CTNNA3: variants seen among roughly 807,000 people sequenced by gnomAD.
CTNNA3 encodes catenin alpha-3.
CTNNA3 carries 76 observed loss-of-function variants against 95.7 expected under a neutral mutation model. That is an observed-to-expected ratio of 0.79 (90% CI 0.66 to 0.96). The LOEUF is 0.96. Ranked by LOEUF, CTNNA3 falls within the 40% of genes least tolerant of loss-of-function variation. CTNNA3 has a pLI of 0.00. For synonymous variants in CTNNA3, 431 were observed against 374.4 expected (o/e 1.15, Z -1.74); for missense variants, 1,191 against 1,089.8 (o/e 1.09, Z -1.31).
intron 10 of CTNNA3, among the ~76,000 whole-genome samples, chr10:66,524,855 G>C (rs984400918): frequency 6.6e-6 from 1 of 152,090 alleles, no homozygotes; most frequent in Non-Finnish European, 1.5e-5. Flanking sequence ...TGCGAGACCA[G>C]ACTGACCAAT....
At chr10:66,742,961 T>C (rs1849377106) in intron 9 of CTNNA3, among the ~76,000 whole-genome samples, 1 of 152,220 alleles carries the variant, frequency 6.6e-6, no homozygotes, top group African/African-American at 2.4e-5. Flanking sequence ...CTACCGTTTA[T>C]ACATGATTTT....
intron 5 of CTNNA3, among the ~76,000 whole-genome samples, chr10:67,347,194 C>T (rs1041044085): frequency 6.6e-6 from 1 of 151,886 alleles, no homozygotes; most frequent in Non-Finnish European, 1.5e-5. Context: ...GGACTATGGG[C>T]ATGAGCCACC....
At chr10:66,649,633 C>A (rs1225287964) in intron 9 of CTNNA3, among the ~76,000 whole-genome samples, 1 of 152,188 alleles carries the variant, frequency 6.6e-6, no homozygotes, top group East Asian at 1.9e-4. Context: ...GACTAAGCTT[C>A]CAGGCCCACC....
chr10:66,355,231 CTGTG>C (rs1182579886), intron 12 of CTNNA3, among the ~76,000 whole-genome samples: 7 of 152,116 alleles, frequency 4.6e-5, no homozygotes, highest in Non-Finnish European at 1.0e-4. Context: ...TCTGTGGCCT[CTGTG>C]TTTATGCCAA....
In CTNNA3 at chr10:66,520,789, T is replaced by C. The variant is rs1476904801; in HGVS notation, c.1375-16A>G. 9 of 1,606,674 alleles carry C rather than the reference T, an allele frequency of 5.6e-6. No homozygotes were observed. The highest frequency in any genetic ancestry group is 5.4e-5 in the African/African-American group (4 of 74,576). On this transcript the variant is annotated splice_polypyrimidine_tract_variant and intron_variant, in intron 10 of 17. Coordinates refer to ENST00000433211, the MANE Select transcript of CTNNA3 (RefSeq NM_013266.4). Reference sequence around the variant, plus strand: ...CATTAATAATCTATAAAGATAAGGATTGAAAAAATTACCTATTGGTTGCAA... The same window carrying C: ...CATTAATAATCTATAAAGATAAGGACTGAAAAAATTACCTATTGGTTGCAA...
intron 7 of CTNNA3, among the ~76,000 whole-genome samples, chr10:66,819,559 A>G (rs1368530959): frequency 2.6e-5 from 4 of 152,198 alleles, no homozygotes; most frequent in African/African-American, 9.6e-5. Flanking sequence ...TGAAAAAAAC[A>G]CACAAAATGG....
chr10:66,492,032 A>C (rs191167685), intron 11 of CTNNA3, among the ~76,000 whole-genome samples: 2 of 152,200 alleles, frequency 1.3e-5, no homozygotes, highest in East Asian at 3.9e-4. Flanking sequence ...TGAACACTTC[A>C]GTGGTTCCCT....
intron 5 of CTNNA3, among the ~76,000 whole-genome samples, chr10:67,391,399 TA>T (rs1300260306): frequency 6.6e-6 from 1 of 151,694 alleles, no homozygotes; most frequent in African/African-American, 2.4e-5. Context: ...CTCAAGGAAA[TA>T]AAAGAGGATA....
chr10:66,439,433 G>C (rs1343446146), intron 11 of CTNNA3, among the ~76,000 whole-genome samples: 1 of 152,098 alleles, frequency 6.6e-6, no homozygotes, highest in Non-Finnish European at 1.5e-5. Context: ...ATTTTGTAGA[G>C]AGTAGTTGTT....
intron 12 of CTNNA3, among the ~76,000 whole-genome samples, chr10:66,283,096 G>C (rs1038825217): frequency 1.3e-4 from 20 of 151,710 alleles, no homozygotes; most frequent in African/African-American, 4.8e-4. Context: ...AAAGAGGAGG[G>C]AACATCTAAG....
At chr10:67,580,625 T>C (rs1268109644) in intron 3 of CTNNA3, among the ~76,000 whole-genome samples, 1 of 147,950 alleles carries the variant, frequency 6.8e-6, no homozygotes, top group Non-Finnish European at 1.5e-5. Flanking sequence ...GGGGATGGCA[T>C]TGAATCTATA....
chr10:66,928,251 C>G, intron 7 of CTNNA3: 1 of 1,614,146 alleles, frequency 6.2e-7, no homozygotes, highest in Non-Finnish European at 8.5e-7. Flanking sequence ...GGAAGCGGTA[C>G]CCTGCGAGCA....
chr10:67,470,532 A>G lies in CTNNA3; in HGVS notation c.579+51310T>C, dbSNP rs1490347319. ...ACTGAGTTTATTTTTTTAAAGGCAC[A>G]TTATATATTTGATAGATCACTTGAA... On this transcript the variant is annotated intron_variant, in intron 5 of 17. Transcript: ENST00000433211. 2.6e-5 allele frequency among the ~76,000 whole-genome samples: 4 copies of G among 152,150 alleles called. No individual in the cohort carries two copies. In the East Asian group the frequency reaches 7.7e-4, roughly 29 times the overall value.
At chr10:66,744,384 A>G (rs1295783802) in intron 9 of CTNNA3, among the ~76,000 whole-genome samples, 2 of 152,144 alleles carry the variant, frequency 1.3e-5, no homozygotes, top group Non-Finnish European at 2.9e-5. Context: ...TTTTTGTTTT[A>G]GTGTTAGAAG....
chr10:67,373,912 C>A (rs1001663299), intron 5 of CTNNA3, among the ~76,000 whole-genome samples: 27 of 152,136 alleles, frequency 1.8e-4, no homozygotes, highest in African/African-American at 5.3e-4. Flanking sequence ...TGTCTCTCCC[C>A]TGAAAACAAC....
chr10:66,452,583 G>C (rs10997136), intron 11 of CTNNA3, among the ~76,000 whole-genome samples: 46 of 152,214 alleles, frequency 3.0e-4, no homozygotes, highest in African/African-American at 1.0e-3. Context: ...TTGGAGATCA[G>C]ACTTCCTTTG....
chr10:67,732,028 C>T (rs369198331), intron 1 of CTNNA3, among the ~76,000 whole-genome samples: 13 of 150,838 alleles, frequency 8.6e-5, no homozygotes, highest in East Asian at 7.8e-4. Context: ...GATCCACCCA[C>T]CTCGGCCTCC....
chr10:67,632,913 C>A (rs960158329), intron 2 of CTNNA3, among the ~76,000 whole-genome samples: 1 of 152,188 alleles, frequency 6.6e-6, no homozygotes, highest in Non-Finnish European at 1.5e-5. Flanking sequence ...TCCCACAGCA[C>A]CCCACAAGTT....
chr10:67,072,510 G>A (rs1856521087), intron 7 of CTNNA3, among the ~76,000 whole-genome samples: 1 of 152,152 alleles, frequency 6.6e-6, no homozygotes, highest in South Asian at 2.1e-4. Context: ...TTCCACCAGA[G>A]CAGGTTTCTC....
Sources: allele counts gnomAD v4.1 joint callset (sites outside exome capture counted in the v4.1 genomes callset), GRCh38; gene constraint gnomAD v4.1.1; transcripts MANE v1.5; gene names NCBI Gene and HGNC (gene_info 2026-07-23, HGNC 2026-07-21).